Variants in DNAJC15 observed in about 807,000 individuals in gnomAD.
DNAJC15 encodes DnaJ heat shock protein family (Hsp40) member C15, also known as dnaJ homolog subfamily C member 15.
Under a neutral mutation model 22.4 loss-of-function variants are expected in DNAJC15, and 27 were observed. The observed-to-expected ratio is 1.20, with a 90% CI of 0.89 to 1.66. The LOEUF (loss-of-function observed/expected upper bound fraction) is 1.66, where lower values mean the gene tolerates loss of function less well. DNAJC15 is among the 40% of genes most tolerant of loss of function. DNAJC15 has a pLI of 0.00. For missense variants in DNAJC15, 208 were observed against 187.1 expected (o/e 1.11, Z -0.65); for synonymous variants, 79 against 63.2 (o/e 1.25, Z -1.19).
intron 1 of DNAJC15, among the ~76,000 whole-genome samples, chr13:43,041,311 T>TAAGA (rs1270527522): frequency 1.3e-5 from 2 of 152,224 alleles, no homozygotes; most frequent in Non-Finnish European, 2.9e-5. Context: ...AAGCACATCT[T>TAAGA]GCACAGCCCT....
At chr13:43,042,126 TGAACCCTACAGATACA>T (rs1335881869) in intron 1 of DNAJC15, among the ~76,000 whole-genome samples, 1 of 152,236 alleles carries the variant, frequency 6.6e-6, no homozygotes, top group African/African-American at 2.4e-5. Flanking sequence ...TGGAAAGTAC[TGAACCCTACAGATACA>T]GTATTGTTTT....
rs146354668 is a variant in DNAJC15 at position 43,036,537 on chromosome 13, C to T, written c.108+12803C>T. Among the ~76,000 whole-genome samples the T allele has an allele frequency of 6.9e-4, 105 of 152,328 alleles. 2 individuals are homozygous for T. In the South Asian group the frequency reaches 0.016, roughly 24 times the overall value. The stretch of plus-strand genomic sequence containing the variant: ...TTGGTCATCAATGAACTTCATACTC[C>T]TGTTGGTGGACTTCATCCAGAACTG... On this transcript the variant is annotated intron_variant, in intron 1 of 5. Coordinates refer to ENST00000379221, the MANE Select transcript of DNAJC15 (RefSeq NM_013238.3).
chr13:43,105,758 AC>A (rs1486533444), intron 5 of DNAJC15, among the ~76,000 whole-genome samples: 6 of 152,212 alleles, frequency 3.9e-5, no homozygotes, highest in African/African-American at 1.4e-4. Context: ...GACATCGAGG[AC>A]ATCACCCTGA....
chr13:43,091,446 C>T (rs1378895002), intron 5 of DNAJC15, among the ~76,000 whole-genome samples: 1 of 152,160 alleles, frequency 6.6e-6, no homozygotes, highest in African/African-American at 2.4e-5. Context: ...TCCTTAATAT[C>T]ATTTTTGGTT....
chr13:43,060,581 C>G (rs1016037268), intron 1 of DNAJC15, among the ~76,000 whole-genome samples: 1 of 152,154 alleles, frequency 6.6e-6, no homozygotes, highest in African/African-American at 2.4e-5. Flanking sequence ...AAAAACAACA[C>G]TCTTCATTAA....
intron 1 of DNAJC15, among the ~76,000 whole-genome samples, chr13:43,043,249 A>C (rs889635062): frequency 3.6e-4 from 55 of 152,294 alleles, no homozygotes; most frequent in African/African-American, 1.3e-3. Context: ...CTGGGACTAC[A>C]GGCGTGTGCC....
intron 5 of DNAJC15, among the ~76,000 whole-genome samples, chr13:43,091,184 A>G (rs2040713308): frequency 6.6e-6 from 1 of 151,952 alleles, no homozygotes; most frequent in Non-Finnish European, 1.5e-5. Context: ...TCCCGAGTTC[A>G]AGTGATTCTC....
intron 1 of DNAJC15, among the ~76,000 whole-genome samples, chr13:43,051,095 C>T (rs184970963): frequency 1.3e-5 from 2 of 152,252 alleles, no homozygotes; most frequent in East Asian, 3.9e-4. Context: ...CTGTCTCAGC[C>T]TCCCGAGTAG....
intron 5 of DNAJC15, among the ~76,000 whole-genome samples, chr13:43,102,251 T>C (rs922034595): frequency 6.6e-6 from 1 of 152,216 alleles, no homozygotes; most frequent in Non-Finnish European, 1.5e-5. Context: ...TCTTTTCATG[T>C]CCTTAGCCCA....
At chr13:43,064,922 G>T (rs936971533) in intron 1 of DNAJC15, among the ~76,000 whole-genome samples, 15 of 151,162 alleles carry the variant, frequency 9.9e-5, no homozygotes, top group Non-Finnish European at 2.2e-4. Flanking sequence ...ATCTAAGGGA[G>T]GCTTGGAAAA....
chr13:43,105,752 T>C lies in DNAJC15; in HGVS notation c.383-1426T>C, dbSNP rs74062324. ...ATATTTGCTGAGGATATCCAAGACA[T>C]CGAGGACATCACCCTGATAACTCTA... On this transcript the variant is annotated intron_variant, in intron 5 of 5. Transcript: ENST00000379221. Among the ~76,000 whole-genome samples the C allele has an allele frequency of 2.7e-3, 412 of 152,306 alleles. 1 individual carries two copies. Among genetic ancestry groups the C allele is most frequent in the African/African-American group, 9.6e-3 (397 of 41,560 alleles).
chr13:43,047,699 C>G (rs2153440123), intron 1 of DNAJC15, among the ~76,000 whole-genome samples: 1 of 152,306 alleles, frequency 6.6e-6, no homozygotes, highest in Admixed American at 6.5e-5. Flanking sequence ...AGCCCATGGA[C>G]TTTCCATAGC....
intron 3 of DNAJC15, among the ~76,000 whole-genome samples, chr13:43,075,625 T>A (rs1029285574): frequency 7.5e-5 from 11 of 145,718 alleles, no homozygotes; most frequent in African/African-American, 2.5e-4. Flanking sequence ...GTAAAAATTT[T>A]GGTTTCCTGA....
intron 5 of DNAJC15, among the ~76,000 whole-genome samples, chr13:43,101,552 C>T (rs903992873): frequency 3.9e-5 from 6 of 152,242 alleles, no homozygotes; most frequent in African/African-American, 1.2e-4. Context: ...TGTAGTCTTT[C>T]GTCCCTCATC....
At chr13:43,052,261 C>T (rs968391777) in intron 1 of DNAJC15, among the ~76,000 whole-genome samples, 2 of 151,996 alleles carry the variant, frequency 1.3e-5, no homozygotes, top group Non-Finnish European at 2.9e-5. Flanking sequence ...CCACGCCCAG[C>T]CTATTTTTTG....
At chr13:43,106,799 A>T (rs537416206) in intron 5 of DNAJC15, among the ~76,000 whole-genome samples, 24 of 75,328 alleles carry the variant, frequency 3.2e-4, no homozygotes, top group Middle Eastern at 6.4e-3. Context: ...ATGTGTCTTT[A>T]AAAAAAAAAA....
chr13:43,073,709 G>A (rs1172070506), intron 3 of DNAJC15, among the ~76,000 whole-genome samples: 2 of 151,940 alleles, frequency 1.3e-5, no homozygotes, highest in Non-Finnish European at 1.5e-5. Context: ...AAACTTTCTG[G>A]TTTGCTATTT....
At chr13:43,044,802 T>G (rs990624258) in intron 1 of DNAJC15, among the ~76,000 whole-genome samples, 1 of 151,984 alleles carries the variant, frequency 6.6e-6, no homozygotes, top group Non-Finnish European at 1.5e-5. Context: ...GAACTCTATC[T>G]AGTATCTCAC....
intron 4 of DNAJC15, among the ~76,000 whole-genome samples, chr13:43,082,802 T>C (rs1453908428): frequency 1.3e-5 from 2 of 151,800 alleles, no homozygotes; most frequent in Non-Finnish European, 2.9e-5. Context: ...GACCTTGCCA[T>C]ATATCTTCTA....
Sources: allele counts gnomAD v4.1 joint callset (sites outside exome capture counted in the v4.1 genomes callset), GRCh38; gene constraint gnomAD v4.1.1; transcripts MANE v1.5; gene names NCBI Gene and HGNC (gene_info 2026-07-23, HGNC 2026-07-21).